CEBPZOS: variants seen among roughly 807,000 people sequenced by gnomAD.
The protein encoded by CEBPZOS is CEBPZ opposite strand.
In CEBPZOS, 10 loss-of-function variants were observed where a neutral mutation model predicts 4.8. The ratio of observed to expected loss-of-function variants is 2.07; its 90% CI spans 1.28 to 3.52. The LOEUF (loss-of-function observed/expected upper bound fraction) is 3.52, where lower values mean the gene tolerates loss of function less well. Ranked by LOEUF, CEBPZOS falls within the 30% of genes most tolerant of loss-of-function variation. The probability of loss-of-function intolerance (pLI) is 0.00; values close to 1 mark genes in which losing one functional copy is unlikely to be tolerated. For missense variants in CEBPZOS, 98 were observed against 43.6 expected, an observed-to-expected ratio of 2.25 and a Z score of -3.51; for synonymous variants, 25 against 14.2, an observed-to-expected ratio of 1.77 and a Z score of -1.72.
intron 2 of CEBPZOS, 23 bp downstream of exon 2, chr2:37,199,842 T>C (rs1327168423): frequency 1.4e-6 from 1 of 716,256 alleles, no homozygotes; most frequent in Non-Finnish European, 2.6e-6. Flanking sequence ...CAGAAGTTAA[T>C]GCTTTCTAAA....
At chr2:37,201,795 G>C (rs1677254992) in intron 4 of CEBPZOS, 68 bp from the exon 5 acceptor site, 1 of 1,545,584 alleles carries the variant, frequency 6.5e-7, no homozygotes, top group Non-Finnish European at 8.9e-7. Context: ...TTTTTGAGTG[G>C]TTTTAATCCT....
rs770781764 is a variant in CEBPZOS at position 37,201,929 on chromosome 2, T to C, written c.*69T>C. 6.2e-7 allele frequency: 1 copy of C among 1,608,254 alleles called. No individual in the cohort carries two copies. Among genetic ancestry groups the C allele is most frequent in the Non-Finnish European group, 8.5e-7 (1 of 1,177,612 alleles). ...CTTTGAGAGAAGAAGAAAAGATGAG[T>C]GTACTACCACACTGTAGACTCTTGG... On this transcript the variant is annotated 3_prime_UTR_variant, in exon 5 of 5. Coordinates refer to ENST00000402297, the MANE Select transcript of CEBPZOS (RefSeq NM_001322374.2).
chr2:37,212,216 T>G (rs916137621), intron 4 of CEBPZOS: 4 of 1,048,690 alleles, frequency 3.8e-6, no homozygotes, highest in Non-Finnish European at 5.7e-6. Context: ...TGTATCCACT[T>G]CCCAAACTTA....
rs547358734 is a variant in CEBPZOS, at chr2:37,203,264, C to A, written c.*1404C>A. 7.9e-5 allele frequency: 21 copies of A among 265,458 alleles called. No individual in the cohort carries two copies. The highest frequency in any genetic ancestry group is 4.2e-4 in the African/African-American group (19 of 45,474). 16.4% of individuals were successfully genotyped at this position (265,458 alleles called of 1,614,324 possible). A position where few individuals can be genotyped will look rare whatever the true frequency, so the allele number is the denominator to read the frequency against. On this transcript the variant is annotated 3_prime_UTR_variant, in exon 5 of 5. Coordinates refer to ENST00000402297, the MANE Select transcript of CEBPZOS (RefSeq NM_001322374.2). The stretch of plus-strand genomic sequence containing the variant: ...TTGCTTTTCAGATTTGGCCACTGAT[C>A]GAAGTTTTACCCATAAGGGAAATAA...
intron 1 of CEBPZOS, among the ~76,000 whole-genome samples, chr2:37,199,369 A>G (rs1677100233): frequency 6.6e-6 from 1 of 152,216 alleles, no homozygotes; most frequent in Non-Finnish European, 1.5e-5. Context: ...CTTAACTCCC[A>G]GTGCAGCTAA....
chr2:37,212,296 T>C, intron 4 of CEBPZOS: 1 of 1,568,992 alleles, frequency 6.4e-7, no homozygotes, highest in Non-Finnish European at 8.8e-7. Flanking sequence ...ATTTGGGAAA[T>C]GCTAGAAAAA....
At chr2:37,209,549 C>A (rs1446656384), downstream of CEBPZOS, 2 of 152,174 alleles carry the variant, frequency 1.3e-5, no homozygotes, top group Non-Finnish European at 2.9e-5. Context: ...GGAAAGGACA[C>A]CCTATTGAAC....
chr2:37,211,216 C>T, intron 4 of CEBPZOS: 1 of 544,018 alleles, frequency 1.8e-6, no homozygotes, highest in Non-Finnish European at 3.2e-6. Flanking sequence ...TTTGTAATTC[C>T]ACTAGCATAG....
At position 37,202,897 on chromosome 2, in the gene CEBPZOS, AACT is replaced by A; in HGVS notation, c.*1039_*1041del. On this transcript the variant is annotated 3_prime_UTR_variant, in exon 5 of 5. Transcript: ENST00000402297. ...AACAAAAACGATAAATTTATTAGAA[AACT>A]AAAAATAATGTAGAATAGCTAGCTT... The A allele has an allele frequency of 6.3e-7, 1 of 1,594,146 alleles. No homozygotes were observed. The highest frequency in any genetic ancestry group is 8.6e-7 in the Non-Finnish European group (1 of 1,168,840).
downstream of CEBPZOS, among the ~76,000 whole-genome samples, chr2:37,206,746 C>G (rs1677552566): frequency 6.6e-6 from 1 of 152,062 alleles, no homozygotes; most frequent in Non-Finnish European, 1.5e-5. Flanking sequence ...TACAATAACA[C>G]AATGAAAAAA....
downstream of CEBPZOS, chr2:37,215,617 G>A (rs945395600): frequency 1.3e-5 from 2 of 152,714 alleles, no homozygotes; most frequent in African/African-American, 4.8e-5. Flanking sequence ...ACAAAAGGGA[G>A]ATGAGATCTG....
chr2:37,213,091 T>C (rs925403834), intron 4 of CEBPZOS, among the ~76,000 whole-genome samples: 1 of 152,026 alleles, frequency 6.6e-6, no homozygotes, highest in Non-Finnish European at 1.5e-5. Context: ...AAAAAATATG[T>C]AACGTGAAAT....
In CEBPZOS at chr2:37,199,767, TGTA is replaced by T. The variant is rs1440035139; in HGVS notation, c.65_67del (p.Val22del). ...TTAAAGGAGTTTTGGTAGCCGAACT[TGTA>T]GGCGTTTTTGGAGCATATTTTTTGT... On this transcript the variant is annotated inframe_deletion, in exon 2 of 5. Transcript: ENST00000402297. 1.4e-6 allele frequency: 1 copy of T among 717,518 alleles called. No homozygotes were observed. The highest frequency in any genetic ancestry group is 2.7e-5 in the East Asian group (1 of 37,294). The allele number at this position is 717,518 out of a possible 1,614,324, so 44.4% of individuals were successfully genotyped here.
At chr2:37,214,701 T>C (rs1677827031), downstream of CEBPZOS, among the ~76,000 whole-genome samples, 1 of 152,186 alleles carries the variant, frequency 6.6e-6, no homozygotes, top group Non-Finnish European at 1.5e-5. Flanking sequence ...CAAAATATGC[T>C]GATTAGATTT....
chr2:37,211,987 A>C (rs1251839930), intron 4 of CEBPZOS: 2 of 1,612,118 alleles, frequency 1.2e-6, no homozygotes, highest in African/African-American at 2.7e-5. Context: ...CTACCTTCTG[A>C]ATCTTCATCT....
At position 37,196,517 on chromosome 2, in the gene CEBPZOS, T is replaced by A. The variant is rs1174766581; in HGVS notation, c.-5T>A. 1.3e-5 allele frequency: 2 copies of A among 152,216 alleles called. No individual in the cohort carries two copies. The highest frequency in any genetic ancestry group is 2.4e-5 in the African/African-American group (1 of 41,442). The allele number at this position is 152,216 out of a possible 1,614,324, so 9.4% of individuals were successfully genotyped here. ...ATGCGCAGTCCCCCTTGAACGCACC[T>A]CAGGTAAGACTCTGGCGAGTGGCTT... On this transcript the variant is annotated 5_prime_UTR_variant, in exon 1 of 5. Transcript: ENST00000402297.
chr2:37,199,571 A>C, intron 1 of CEBPZOS, 133 bp from the exon 2 acceptor site: 1 of 508,866 alleles, frequency 2.0e-6, no homozygotes. Flanking sequence ...AAAAAAGTAT[A>C]CCATAGTATT....
intron 4 of CEBPZOS, chr2:37,212,144 A>G: frequency 9.2e-7 from 1 of 1,084,058 alleles, no homozygotes; most frequent in East Asian, 2.4e-5. Flanking sequence ...AGAAGGAGAA[A>G]GCTTTGCAGA....
chr2:37,215,274 C>T (rs1463202974), downstream of CEBPZOS: 2 of 189,600 alleles, frequency 1.1e-5, no homozygotes, highest in Non-Finnish European at 2.2e-5. Context: ...ATAAAAAATT[C>T]AAAGAGTTAT....
Sources: gnomAD v4.1 joint callset for allele counts (sites outside exome capture counted in the v4.1 genomes callset) on GRCh38, gnomAD v4.1.1 for gene constraint, MANE v1.5 for transcripts, NCBI Gene and HGNC (gene_info 2026-07-23, HGNC 2026-07-21) for gene names.